Variants in NTNG1 observed in about 807,000 individuals in gnomAD.
The protein encoded by NTNG1 is netrin G1.
NTNG1 carries 16 observed loss-of-function variants against 54.0 expected under a neutral mutation model. The ratio of observed to expected loss-of-function variants is 0.30; its 90% CI spans 0.20 to 0.45. The LOEUF is 0.45. Among genes scored for constraint, NTNG1 ranks in the 20% least tolerant of loss-of-function variants. NTNG1 has a pLI of 1.00. For missense variants in NTNG1, 530 were observed against 678.7 expected, an observed-to-expected ratio of 0.78 and a Z score of 2.43; for synonymous variants, 255 against 263.1, an observed-to-expected ratio of 0.97 and a Z score of 0.30.
intron 7 of NTNG1, among the ~76,000 whole-genome samples, chr1:107,461,028 G>A (rs1286845193): frequency 6.6e-6 from 1 of 152,168 alleles, no homozygotes. Context: ...GCCCTTAAAG[G>A]ATGGATGCTG....
intron 4 of NTNG1, among the ~76,000 whole-genome samples, chr1:107,404,731 CATGG>C: frequency 6.6e-6 from 1 of 152,146 alleles, no homozygotes; most frequent in African/African-American, 2.4e-5. Context: ...ATAAATTGAT[CATGG>C]AGGCCTGTAC....
intron 3 of NTNG1, among the ~76,000 whole-genome samples, chr1:107,384,662 CATT>C (rs1671853462): frequency 6.6e-6 from 1 of 152,176 alleles, no homozygotes; most frequent in Non-Finnish European, 1.5e-5. Context: ...ATTAGGTACT[CATT>C]ATACTTGTGA....
chr1:107,310,294 T>C (rs1286419458), intron 2 of NTNG1, among the ~76,000 whole-genome samples: 1 of 152,192 alleles, frequency 6.6e-6, no homozygotes, highest in African/African-American at 2.4e-5. Context: ...AAAGTAGCCC[T>C]CTATAATACA....
chr1:107,442,258 G>A (rs79820012), intron 7 of NTNG1, among the ~76,000 whole-genome samples: 1 of 152,044 alleles, frequency 6.6e-6, no homozygotes. Context: ...AATCTAAGAG[G>A]TATTGTTCCA....
chr1:107,392,183 A>G (rs1672405523), intron 3 of NTNG1, among the ~76,000 whole-genome samples: 1 of 152,132 alleles, frequency 6.6e-6, no homozygotes, highest in Non-Finnish European at 1.5e-5. Flanking sequence ...ACTTACCAGC[A>G]TTTTGATTAG....
At chr1:107,210,416 G>A (rs1659520468) in intron 2 of NTNG1, among the ~76,000 whole-genome samples, 2 of 152,110 alleles carry the variant, frequency 1.3e-5, no homozygotes, top group Non-Finnish European at 2.9e-5. Context: ...GGAGAATAAA[G>A]AGATGAAACT....
At chr1:107,276,301 T>G (rs1456363405) in intron 2 of NTNG1, among the ~76,000 whole-genome samples, 1 of 152,180 alleles carries the variant, frequency 6.6e-6, no homozygotes, top group Non-Finnish European at 1.5e-5. Context: ...CATTATCTCT[T>G]CATAGCAACA....
intron 2 of NTNG1, among the ~76,000 whole-genome samples, chr1:107,254,984 C>T (rs1662839273): frequency 6.6e-6 from 1 of 152,176 alleles, no homozygotes. Flanking sequence ...ATATTTGCAT[C>T]TATTAATTAT....
intron 4 of NTNG1, among the ~76,000 whole-genome samples, chr1:107,404,081 T>TTATA (rs5776886): frequency 8.3e-5 from 12 of 145,398 alleles, no homozygotes; most frequent in African/African-American, 2.7e-4. Context: ...CCTTCTTAAT[T>TTATA]TATATATATA....
At chr1:107,184,211 T>C (rs1428493325) in intron 2 of NTNG1, among the ~76,000 whole-genome samples, 1 of 152,112 alleles carries the variant, frequency 6.6e-6, no homozygotes, top group African/African-American at 2.4e-5. Context: ...GCATGGCTCC[T>C]CTTAATTTCT....
chr1:107,302,579 T>C (rs1408808823), intron 2 of NTNG1, among the ~76,000 whole-genome samples: 1 of 152,104 alleles, frequency 6.6e-6, no homozygotes, highest in Non-Finnish European at 1.5e-5. Flanking sequence ...TTTTTCAGCT[T>C]TAGTATTTTT....
At chr1:107,143,181 T>C (rs184543533) in intron 1 of NTNG1, 4 of 152,300 alleles carry the variant, frequency 2.6e-5, no homozygotes, top group Admixed American at 1.3e-4. Flanking sequence ...ATTTCCTTAC[T>C]GTGGAATTTA....
intron 5 of NTNG1, among the ~76,000 whole-genome samples, chr1:107,429,618 T>C (rs941597273): frequency 6.6e-6 from 1 of 152,120 alleles, no homozygotes; most frequent in Non-Finnish European, 1.5e-5. Flanking sequence ...GCAAGACAGA[T>C]ATTGATGCAA....
At chr1:107,480,590 A>AAAAAGCC in intron 7 of NTNG1, 21 bp from the exon 8 acceptor site, 1 of 352,596 alleles carries the variant, frequency 2.8e-6, no homozygotes, top group Non-Finnish European at 4.6e-6. Flanking sequence ...ACCCACCCCT[A>AAAAAGCC]CCTTCCCCCT....
intron 1 of NTNG1, among the ~76,000 whole-genome samples, chr1:107,144,920 A>G (rs1329206448): frequency 1.3e-5 from 2 of 152,090 alleles, no homozygotes; most frequent in Non-Finnish European, 2.9e-5. Flanking sequence ...AAGGTCTGCA[A>G]AGTGAAGAGG....
intron 2 of NTNG1, among the ~76,000 whole-genome samples, chr1:107,226,127 C>T (rs1290488235): frequency 1.3e-5 from 2 of 152,100 alleles, no homozygotes; most frequent in Admixed American, 6.6e-5. Flanking sequence ...GGCCTGTTGT[C>T]TTTAAAGGCA....
At chr1:107,251,673 C>T (rs1018070540) in intron 2 of NTNG1, among the ~76,000 whole-genome samples, 1 of 152,294 alleles carries the variant, frequency 6.6e-6, no homozygotes, top group Non-Finnish European at 1.5e-5. Flanking sequence ...TACAACTCAA[C>T]TCTGATCATG....
chr1:107,246,827 T>C (rs920687370), intron 2 of NTNG1, among the ~76,000 whole-genome samples: 1 of 152,216 alleles, frequency 6.6e-6, no homozygotes, highest in Non-Finnish European at 1.5e-5. Flanking sequence ...AATTTATTTA[T>C]ATAGTAAATC....
chr1:107,159,985 T>A (rs1655292550), intron 2 of NTNG1, among the ~76,000 whole-genome samples: 1 of 152,186 alleles, frequency 6.6e-6, no homozygotes, highest in Non-Finnish European at 1.5e-5. Flanking sequence ...AAAAACAGAA[T>A]AATAAGTCAG....
Sources: allele counts gnomAD v4.1 joint callset (sites outside exome capture counted in the v4.1 genomes callset), GRCh38; gene constraint gnomAD v4.1.1; transcripts MANE v1.5; gene names NCBI Gene and HGNC (gene_info 2026-07-23, HGNC 2026-07-21).